Variants in ARHGAP15 observed in about 807,000 individuals in gnomAD.
The protein encoded by ARHGAP15 is rho GTPase-activating protein 15.
A neutral mutation model predicts 63.7 loss-of-function variants in ARHGAP15; 51 were observed. That is an observed-to-expected ratio of 0.80 (90% CI 0.64 to 1.01). The LOEUF is 1.01. ARHGAP15 is among the 50% of genes least tolerant of loss of function. The probability of loss-of-function intolerance (pLI) is 0.00; values close to 1 mark genes in which losing one functional copy is unlikely to be tolerated. For synonymous variants in ARHGAP15, 191 were observed against 193.8 expected (o/e 0.99, Z 0.12); for missense variants, 560 against 564.6 (o/e 0.99, Z 0.08).
At chr2:143,504,882 C>T (rs1421191566) in intron 9 of ARHGAP15, among the ~76,000 whole-genome samples, 1 of 152,184 alleles carries the variant, frequency 6.6e-6, no homozygotes, top group Admixed American at 6.5e-5. Context: ...GAATGTGCTC[C>T]ATCCCTCTGG....
At chr2:143,295,923 C>T (rs1270724252) in intron 6 of ARHGAP15, among the ~76,000 whole-genome samples, 1 of 151,950 alleles carries the variant, frequency 6.6e-6, no homozygotes, top group Non-Finnish European at 1.5e-5. Flanking sequence ...ACAAATGTCA[C>T]CTTCTACTCA....
chr2:143,634,398 T>C (rs1680200445), intron 12 of ARHGAP15, among the ~76,000 whole-genome samples: 1 of 152,166 alleles, frequency 6.6e-6, no homozygotes, highest in South Asian at 2.1e-4. Flanking sequence ...TAGGCCTCCA[T>C]TTCCACATTT....
chr2:143,396,470 G>C (rs975235032), intron 6 of ARHGAP15, among the ~76,000 whole-genome samples: 11 of 151,956 alleles, frequency 7.2e-5, no homozygotes, highest in African/African-American at 2.7e-4. Context: ...GAGTCCCCCA[G>C]TCAAGTGGTC....
chr2:143,539,464 G>A (rs1694941768), intron 10 of ARHGAP15, among the ~76,000 whole-genome samples: 1 of 151,940 alleles, frequency 6.6e-6, no homozygotes, highest in African/African-American at 2.4e-5. Context: ...TCTTTTAATT[G>A]TGATGTTAGG....
chr2:143,758,021 G>A (rs1319929621), intron 13 of ARHGAP15, among the ~76,000 whole-genome samples: 1 of 151,986 alleles, frequency 6.6e-6, no homozygotes, highest in Non-Finnish European at 1.5e-5. Context: ...TTTCACTGTA[G>A]CATTGTCTGT....
chr2:143,616,695 A>G (rs1309494280), intron 11 of ARHGAP15, among the ~76,000 whole-genome samples: 1 of 152,214 alleles, frequency 6.6e-6, no homozygotes, highest in African/African-American at 2.4e-5. Flanking sequence ...AGAACCATCT[A>G]TTCTACGCAC....
At chr2:143,289,893 A>T (rs1682304390) in intron 6 of ARHGAP15, among the ~76,000 whole-genome samples, 1 of 152,184 alleles carries the variant, frequency 6.6e-6, no homozygotes, top group Non-Finnish European at 1.5e-5. Flanking sequence ...GAAACCTAAC[A>T]ACTAGACAAT....
At chr2:143,204,208 G>T (rs573522671) in intron 3 of ARHGAP15, among the ~76,000 whole-genome samples, 1 of 151,958 alleles carries the variant, frequency 6.6e-6, no homozygotes, top group Non-Finnish European at 1.5e-5. Flanking sequence ...ACCCACTTTC[G>T]CTTTCTACTG....
intron 6 of ARHGAP15, among the ~76,000 whole-genome samples, chr2:143,384,872 G>GA (rs1434187916): frequency 5.9e-5 from 9 of 152,078 alleles, no homozygotes; most frequent in African/African-American, 1.7e-4. Flanking sequence ...TTGGGGGGAG[G>GA]AAAAAAGCTT....
At position 143,155,596 on chromosome 2, in the gene ARHGAP15, G is replaced by A. The variant is rs1279746446; in HGVS notation, c.106G>A (p.Asp36Asn). Residue 36 changes from aspartate to asparagine, a missense_variant, in exon 2 of 14, where the codon GAC becomes AAC. Coordinates refer to ENST00000295095, the MANE Select transcript of ARHGAP15 (RefSeq NM_018460.4). The part of the protein sequence containing the change: ...MRIKNANSHH[D>N]RLSQSKSMIL... Reference sequence around the variant, plus strand: ...AATCAAAAATGCCAACAGCCACCATGACAGGCTCAGCCAAAGTAAATCCAT... The same window carrying A: ...AATCAAAAATGCCAACAGCCACCATAACAGGCTCAGCCAAAGTAAATCCAT... The A allele has an allele frequency of 6.2e-7, 1 of 1,608,760 alleles. No homozygotes were observed. Among genetic ancestry groups the A allele is most frequent in the South Asian group, 1.1e-5 (1 of 90,416 alleles).
chr2:143,524,242 A>G (rs1294625401), intron 10 of ARHGAP15, among the ~76,000 whole-genome samples: 1 of 152,042 alleles, frequency 6.6e-6, no homozygotes, highest in Admixed American at 6.6e-5. Flanking sequence ...GTTTGACAGG[A>G]TCCAGTTATA....
intron 6 of ARHGAP15, among the ~76,000 whole-genome samples, chr2:143,405,322 A>G (rs192188243): frequency 6.6e-6 from 1 of 151,274 alleles, no homozygotes; most frequent in African/African-American, 2.4e-5. Flanking sequence ...TCGTGGCCTT[A>G]ATCAAATTTT....
At chr2:143,142,693 C>T (rs1689419614) in intron 1 of ARHGAP15, among the ~76,000 whole-genome samples, 1 of 151,918 alleles carries the variant, frequency 6.6e-6, no homozygotes, top group Non-Finnish European at 1.5e-5. Flanking sequence ...ACAGTGGCAA[C>T]CATTTAAATA....
At chr2:143,442,722 T>G (rs1451059550) in intron 8 of ARHGAP15, among the ~76,000 whole-genome samples, 1 of 152,184 alleles carries the variant, frequency 6.6e-6, no homozygotes, top group Non-Finnish European at 1.5e-5. Flanking sequence ...ATCTAGGTGG[T>G]GCATAGGCAA....
At chr2:143,417,429 G>A (rs562308581) in intron 6 of ARHGAP15, among the ~76,000 whole-genome samples, 132 of 152,312 alleles carry the variant, frequency 8.7e-4, no homozygotes, top group Non-Finnish European at 1.0e-3. Context: ...GAAGTAAAAT[G>A]AGAGGGGTGG....
At chr2:143,439,412 G>C (rs13034196) in intron 8 of ARHGAP15, among the ~76,000 whole-genome samples, 1 of 57,238 alleles carries the variant, frequency 1.7e-5, no homozygotes, top group African/African-American at 1.0e-4. Context: ...GACAGAGCAA[G>C]ACTCTGTCTC....
At chr2:143,579,741 G>A (rs935882862) in intron 11 of ARHGAP15, among the ~76,000 whole-genome samples, 5 of 144,180 alleles carry the variant, frequency 3.5e-5, no homozygotes, top group African/African-American at 9.9e-5. Context: ...AGAAGATGAA[G>A]CTTGATTTCT....
intron 9 of ARHGAP15, among the ~76,000 whole-genome samples, chr2:143,506,890 A>AGG (rs1693349790): frequency 6.6e-6 from 1 of 152,152 alleles, no homozygotes; most frequent in Non-Finnish European, 1.5e-5. Flanking sequence ...ATTTTCCTTA[A>AGG]AAAATAAAAA....
chr2:143,591,632 T>TC (rs368217240), intron 11 of ARHGAP15, among the ~76,000 whole-genome samples: 40,759 of 146,820 alleles, frequency 0.28, 5,554 homozygotes, highest in African/African-American at 0.45. Context: ...TTTTTCTTTT[T>TC]TTTTTTAGAG....
Sources: allele counts gnomAD v4.1 joint callset (sites outside exome capture counted in the v4.1 genomes callset), GRCh38; gene constraint gnomAD v4.1.1; transcripts MANE v1.5; gene names NCBI Gene and HGNC (gene_info 2026-07-23, HGNC 2026-07-21).